Variants in CYP2A13 observed in about 807,000 individuals in gnomAD.
CYP2A13 encodes cytochrome P450 family 2 subfamily A member 13.
CYP2A13 carries 30 observed loss-of-function variants against 39.4 expected under a neutral mutation model. The ratio of observed to expected loss-of-function variants is 0.76; its 90% CI spans 0.57 to 1.03. The LOEUF (loss-of-function observed/expected upper bound fraction) is 1.03, where lower values mean the gene tolerates loss of function less well. CYP2A13 is among the 50% of genes least tolerant of loss of function. The pLI is 0.00. For missense variants in CYP2A13, 731 were observed against 648.4 expected (o/e 1.13, Z -1.38); for synonymous variants, 269 against 254.7 (o/e 1.06, Z -0.54).
In CYP2A13 at chr19:41,096,020, C is replaced by A. The variant is rs916786019; in HGVS notation, c.*79C>A. The A allele has an allele frequency of 4.6e-5, 6 of 130,974 alleles. No individual in the cohort carries two copies. The African/African-American group carries it at 5.0e-4, about 11-fold the overall frequency. 8.1% of individuals were successfully genotyped at this position (130,974 alleles called of 1,614,324 possible). A position where few individuals can be genotyped will look rare whatever the true frequency, so the allele number is the denominator to read the frequency against. ...GCAGGGGCGGGGCTTGTGGGAGGGGCGGGGCTAAGAATGGGGGCAGTGGGG... is the reference window on the plus strand; with the variant it reads ...GCAGGGGCGGGGCTTGTGGGAGGGGAGGGGCTAAGAATGGGGGCAGTGGGG... On this transcript the variant is annotated 3_prime_UTR_variant, in exon 9 of 9. Coordinates refer to ENST00000330436, the MANE Select transcript of CYP2A13 (RefSeq NM_000766.5).
At position 41,096,084 on chromosome 19, in the gene CYP2A13, C is replaced by A; in HGVS notation, c.*143C>A. ...AGGTGGTTAGAGGGAACAGAAGAAA[C>A]AGAAGGGGCTCAGTTCACCTTGATG... is the stretch of plus-strand genomic sequence containing the variant. On this transcript the variant is annotated 3_prime_UTR_variant, in exon 9 of 9. Coordinates refer to ENST00000330436, the MANE Select transcript of CYP2A13 (RefSeq NM_000766.5). 1 of 1,250,218 alleles carries A rather than the reference C, an allele frequency of 8.0e-7. No individual in the cohort carries two copies. The highest frequency in any genetic ancestry group is 1.1e-6 in the Non-Finnish European group (1 of 902,246). 77.4% of individuals were successfully genotyped at this position (1,250,218 alleles called of 1,614,324 possible).
Position 41,093,744 on chromosome 19 carries a change from C to A in CYP2A13, c.946C>A (p.Leu316Met), listed in dbSNP as rs527791340. 8.1e-6 allele frequency: 13 copies of A among 1,614,050 alleles called. No individual in the cohort carries two copies. The African/African-American group carries it at 1.6e-4, about 20-fold the overall frequency. ...CACCACCCTGCGCTACGGTTTCCTG[C>A]TGCTCATGAAGCACCCAGAGGTGGA... The part of the protein sequence containing the change: ...VSTTLRYGFL[L>M]LMKHPEVEAK... Residue 316 changes from leucine (L) to methionine (M), a missense_variant, in exon 6 of 9, where the codon CTG (leucine) becomes ATG (methionine). Coordinates refer to ENST00000330436, the MANE Select transcript of CYP2A13 (RefSeq NM_000766.5).
intron 2 of CYP2A13, among the ~76,000 whole-genome samples, 170 bp from the exon 3 acceptor site, chr19:41,089,864 CTCTCTCTCGTGCT>C (rs2031139918): frequency 3.0e-5 from 3 of 101,632 alleles, no homozygotes; most frequent in African/African-American, 1.2e-4. Flanking sequence ...CTCTCTCTCT[CTCTCTCTCGTGCT>C]CTCGTGTTTC....
At position 41,095,877 on chromosome 19, in the gene CYP2A13, C is replaced by T; in HGVS notation, c.1421C>T (p.Ser474Phe). 6.2e-7 allele frequency: 1 copy of T among 1,613,964 alleles called. No homozygotes were observed. The highest frequency in any genetic ancestry group is 8.5e-7 in the Non-Finnish European group (1 of 1,179,854). Residue 474 changes from serine to phenylalanine, a missense_variant, in exon 9 of 9, where the codon TCC (serine) becomes TTC (phenylalanine). Physicochemically the swap from Ser to Phe is radical, Grantham distance 155. Transcript: ENST00000330436. Reference sequence around the variant, plus strand: ...CAGTCGCCTAAGGATATCGACGTGTCCCCCAAACACGTGGGCTTTGCCACG... The same window carrying T: ...CAGTCGCCTAAGGATATCGACGTGTTCCCCAAACACGTGGGCTTTGCCACG... ...SPQSPKDIDV[S>F]PKHVGFATIP...
intron 3 of CYP2A13, 93 bp from the exon 4 acceptor site, chr19:41,090,311 G>A (rs758346061): frequency 1.3e-6 from 2 of 1,584,454 alleles, no homozygotes; most frequent in African/African-American, 2.7e-5. Context: ...GCTGGGATTC[G>A]GCTCAACAGG....
chr19:41,094,289 C>T lies in CYP2A13; in HGVS notation c.1018C>T (p.Gln340Ter), dbSNP rs1407108151. The T allele has an allele frequency of 6.8e-6, 11 of 1,614,130 alleles. No individual in the cohort carries two copies. Among genetic ancestry groups the T allele is most frequent in the Non-Finnish European group, 8.5e-6 (10 of 1,180,010 alleles). ...EIDRVIGKNR[Q>*]PKFEDRAKMP... is the part of the protein sequence containing the mutation. The stretch of plus-strand genomic sequence containing the variant: ...TGACAGAGTGATCGGCAAGAACCGG[C>T]AGCCCAAGTTTGAGGACCGGGCCAA... Residue 340 changes from glutamine to a stop codon, truncating the protein, a stop_gained, in exon 7 of 9, where the codon CAG (glutamine) becomes TAG (stop). Coordinates refer to ENST00000330436, the MANE Select transcript of CYP2A13 (RefSeq NM_000766.5). LOFTEE classifies it high-confidence loss of function.
At chr19:41,093,845 A>C (rs2031242900) in intron 6 of CYP2A13, 74 bp downstream of exon 6, 1 of 1,550,156 alleles carries the variant, frequency 6.5e-7, no homozygotes, top group Admixed American at 1.9e-5. Context: ...CAGTGTACCC[A>C]CCTATCCCAG....
At position 41,090,520 on chromosome 19, in the gene CYP2A13, A is replaced by G. The variant is rs1265580557; in HGVS notation, c.610A>G (p.Met204Val). 1 of 1,614,130 alleles carries G rather than the reference A, an allele frequency of 6.2e-7. No homozygotes were observed. The highest frequency in any genetic ancestry group is 8.5e-7 in the Non-Finnish European group (1 of 1,180,020). Residue 204 changes from methionine to valine, a missense_variant, in exon 4 of 9, where the codon ATG becomes GTG. Coordinates refer to ENST00000330436, the MANE Select transcript of CYP2A13 (RefSeq NM_000766.5). ...EDKEFLSLLRMMLGSFQFTAT... is the reference protein window; with the variant it reads ...EDKEFLSLLRVMLGSFQFTAT... ...CAAAGAGTTCCTGTCACTGTTGCGC[A>G]TGATGCTGGGAAGCTTCCAGTTCAC...
At position 41,096,036 on chromosome 19, in the gene CYP2A13, G is replaced by A. The variant is rs984953347; in HGVS notation, c.*95G>A. 4 of 1,305,916 alleles carry A rather than the reference G, an allele frequency of 3.1e-6. No homozygotes were observed. In the South Asian group the frequency reaches 3.9e-5, roughly 13 times the overall value. 80.9% of individuals were successfully genotyped at this position (1,305,916 alleles called of 1,614,324 possible). On this transcript the variant is annotated 3_prime_UTR_variant, in exon 9 of 9. Coordinates refer to ENST00000330436, the MANE Select transcript of CYP2A13 (RefSeq NM_000766.5). ...TGGGAGGGGCGGGGCTAAGAATGGG[G>A]GCAGTGGGGGAAGGAAGGGGAGAGG...
chr19:41,095,697 G>A (rs2031288556), intron 8 of CYP2A13, 63 bp from the exon 9 acceptor site: 4 of 1,594,532 alleles, frequency 2.5e-6, no homozygotes, highest in Non-Finnish European at 2.6e-6. Flanking sequence ...CCGGGGGTCA[G>A]TAGGGGTTGA....
intron 5 of CYP2A13, 61 bp from the exon 6 acceptor site, chr19:41,093,569 C>T: frequency 6.2e-7 from 1 of 1,604,782 alleles, no homozygotes; most frequent in Non-Finnish European, 8.5e-7. Context: ...AAAGGAAAAG[C>T]CCTAGAAGGG....
rs766780855 is a variant in CYP2A13 at position 41,091,871 on chromosome 19, G to T, written c.794G>T (p.Arg265Leu). The T allele has an allele frequency of 2.5e-6, 4 of 1,614,092 alleles. No individual in the cohort carries two copies. The highest frequency in any genetic ancestry group is 8.5e-7 in the Non-Finnish European group (1 of 1,180,050). ...CGCACGCTGGATCCCAATTCCCCAC[G>T]GGACTTCATCGACTCCTTTCTCATC... The part of the protein sequence containing the change: ...NQRTLDPNSP[R>L]DFIDSFLIRM... Residue 265 changes from arginine (R) to leucine (L), a missense_variant, in exon 5 of 9, where the codon CGG becomes CTG. Coordinates refer to ENST00000330436, the MANE Select transcript of CYP2A13 (RefSeq NM_000766.5).
chr19:41,092,616 G>C (rs145746680), intron 5 of CYP2A13, among the ~76,000 whole-genome samples: 7 of 152,272 alleles, frequency 4.6e-5, no homozygotes, highest in African/African-American at 1.7e-4. Flanking sequence ...AGGAAGCCAT[G>C]GTCCCCCAAG....
In CYP2A13 at chr19:41,093,868, T is replaced by C. The variant is rs1487727854; in HGVS notation, c.973+97T>C. The C allele has an allele frequency of 5.0e-5, 71 of 1,421,888 alleles. No homozygotes were observed. The South Asian group carries it at 9.1e-4, about 18-fold the overall frequency. The allele number at this position is 1,421,888 out of a possible 1,614,324, so 88.1% of individuals were successfully genotyped here. On this transcript the variant is annotated intron_variant, in intron 6 of 8. Coordinates refer to ENST00000330436, the MANE Select transcript of CYP2A13 (RefSeq NM_000766.5). Reference sequence around the variant, plus strand: ...CCACCTATCCCAGATCCCAGGACCCTGAGACGTGCCTTGCTGTCCAGAGAC... The same window carrying C: ...CCACCTATCCCAGATCCCAGGACCCCGAGACGTGCCTTGCTGTCCAGAGAC...
At chr19:41,091,192 A>T (rs947252350) in intron 4 of CYP2A13, among the ~76,000 whole-genome samples, 16 of 152,254 alleles carry the variant, frequency 1.1e-4, no homozygotes, top group East Asian at 3.9e-4. Flanking sequence ...AGGTGCTCCC[A>T]GTGCATCCCA....
In CYP2A13 at chr19:41,094,825, C is replaced by A. The variant is rs112455162; in HGVS notation, c.1162-134C>A. 10 of 1,009,126 alleles carry A rather than the reference C, an allele frequency of 9.9e-6. 1 individual carries two copies. Among genetic ancestry groups the A allele is most frequent in the African/African-American group, 6.4e-5 (4 of 62,206 alleles). 62.5% of individuals were successfully genotyped at this position (1,009,126 alleles called of 1,614,324 possible). On this transcript the variant is annotated intron_variant, in intron 7 of 8. Coordinates refer to ENST00000330436, the MANE Select transcript of CYP2A13 (RefSeq NM_000766.5). ...AACTTCTATCCCCCAAAGCTCCTCC[C>A]TCAGAGGTCCCCAACTCCTCCATGC...
chr19:41,090,565 G>A lies in CYP2A13; in HGVS notation c.654+1G>A. 6.2e-7 allele frequency: 1 copy of A among 1,614,028 alleles called. No homozygotes were observed. The highest frequency in any genetic ancestry group is 8.5e-7 in the Non-Finnish European group (1 of 1,179,940). On this transcript the variant is annotated splice_donor_variant, in intron 4 of 8. Transcript: ENST00000330436. LOFTEE classifies it high-confidence loss of function. ...GTTCACGGCAACCTCCACGGGGCAG[G>A]TAACTGGCTGCAGCCCGCCAGTGAC... is the stretch of plus-strand genomic sequence containing the variant.
chr19:41,088,462 C>T lies in CYP2A13; in HGVS notation c.-10C>T, dbSNP rs1485911669. ...CCCCAGCCATCACCATCTATCATCCCACTGCCACCATGCTGGCCTCAGGGC... is the reference window on the plus strand; with the variant it reads ...CCCCAGCCATCACCATCTATCATCCTACTGCCACCATGCTGGCCTCAGGGC... On this transcript the variant is annotated 5_prime_UTR_variant, in exon 1 of 9. Coordinates refer to ENST00000330436, the MANE Select transcript of CYP2A13 (RefSeq NM_000766.5). 3.1e-6 allele frequency: 5 copies of T among 1,611,248 alleles called. No individual in the cohort carries two copies. In the South Asian group the frequency reaches 5.5e-5, roughly 18 times the overall value.
intron 5 of CYP2A13, among the ~76,000 whole-genome samples, chr19:41,093,415 A>G (rs1454547664): frequency 6.6e-6 from 1 of 151,986 alleles, no homozygotes; most frequent in East Asian, 1.9e-4. Context: ...TAAAGGATAG[A>G]TGATCAGTGA....
Sources: allele counts gnomAD v4.1 joint callset (sites outside exome capture counted in the v4.1 genomes callset), GRCh38; gene constraint gnomAD v4.1.1; transcripts MANE v1.5; gene names NCBI Gene and HGNC (gene_info 2026-07-23, HGNC 2026-07-21).